TJP1: variants seen among roughly 807,000 people sequenced by gnomAD.
TJP1 encodes the protein tight junction protein 1, also known as tight junction protein ZO-1.
Under a neutral mutation model 194.2 loss-of-function variants are expected in TJP1, and 43 were observed. The ratio of observed to expected loss-of-function variants is 0.22; its 90% CI spans 0.17 to 0.29. TJP1 has a LOEUF of 0.29. Among genes scored for constraint, TJP1 ranks in the 10% least tolerant of loss-of-function variants. TJP1 has a pLI of 1.00. For synonymous variants in TJP1, 801 were observed against 779.0 expected, an observed-to-expected ratio of 1.03 and a Z score of -0.47; for missense variants, 1,971 against 2,185.7, an observed-to-expected ratio of 0.90 and a Z score of 1.96.
chr15:29,898,284 C>A (rs1275869659), intron 2 of TJP1, among the ~76,000 whole-genome samples: 2 of 152,160 alleles, frequency 1.3e-5, no homozygotes, highest in Non-Finnish European at 2.9e-5. Flanking sequence ...CTCTTGTCTG[C>A]CGCCATGTGA....
intron 2 of TJP1, among the ~76,000 whole-genome samples, chr15:29,888,096 G>C (rs1048516863): frequency 6.6e-6 from 1 of 152,048 alleles, no homozygotes. Context: ...ATGGTACTTA[G>C]AGTGTATAAT....
chr15:29,949,349 A>T (rs796637676), intron 2 of TJP1, among the ~76,000 whole-genome samples: 62 of 128,192 alleles, frequency 4.8e-4, no homozygotes, highest in South Asian at 2.9e-3. Flanking sequence ...CTCCACCACC[A>T]CCACCTCCAC....
intron 2 of TJP1, among the ~76,000 whole-genome samples, chr15:29,918,236 G>T (rs1186356474): frequency 6.6e-6 from 1 of 152,090 alleles, no homozygotes; most frequent in Non-Finnish European, 1.5e-5. Context: ...TCCATCAGTG[G>T]GCACCTGGGT....
At chr15:29,935,050 T>A (rs2054839047) in intron 2 of TJP1, among the ~76,000 whole-genome samples, 1 of 152,202 alleles carries the variant, frequency 6.6e-6, no homozygotes, top group Non-Finnish European at 1.5e-5. Context: ...CAAAATCAAG[T>A]CACAAAGAAA....
In TJP1 at chr15:29,720,672, C is replaced by G; in HGVS notation, c.2449G>C (p.Asp817His). 6.2e-7 allele frequency: 1 copy of G among 1,609,896 alleles called. No homozygotes were observed. The highest frequency in any genetic ancestry group is 1.1e-5 in the South Asian group (1 of 90,594). Residue 817 changes from aspartate (D) to histidine (H), a missense_variant, in exon 19 of 28, where the codon GAT becomes CAT. Coordinates refer to ENST00000614355, the MANE Select transcript of TJP1 (RefSeq NM_001330239.4). ...GATSDDLDLH[D>H]DRLSYLSAPG... ...GCTGACAGGTAGGACAGACGATCAT[C>G]ATGCAAATCAAGGTCATCACTTGTA...
At chr15:29,910,327 G>A (rs908354304) in intron 2 of TJP1, among the ~76,000 whole-genome samples, 7 of 152,194 alleles carry the variant, frequency 4.6e-5, no homozygotes, top group Non-Finnish European at 1.0e-4. Flanking sequence ...AGTGGAAAGA[G>A]TGATTTTATT....
rs778067563 is a variant in TJP1, at chr15:29,718,400, G to A, written c.3742C>T (p.Pro1248Ser). Residue 1248 changes from proline to serine, a missense_variant, in exon 21 of 28, where the codon CCA becomes TCA. Pro to Ser is a moderately conservative substitution (Grantham distance 74). Around this residue, in one of 5 missense-constraint regions of TJP1, gnomAD observed 1,108 missense variants for 1,128.5 expected, o/e 0.98. Transcript: ENST00000614355. ...PSNTKPLPPPPTQTEEEEDPA... is the reference protein window; with the variant it reads ...PSNTKPLPPPSTQTEEEEDPA... Reference sequence around the variant, plus strand: ...TCTTCCTCTTCTTCGGTTTGAGTTGGGGGTGGAGGCAGTGGTTTGGTGTTT... The same window carrying A: ...TCTTCCTCTTCTTCGGTTTGAGTTGAGGGTGGAGGCAGTGGTTTGGTGTTT... The A allele has an allele frequency of 1.2e-6, 2 of 1,614,154 alleles. No homozygotes were observed. Among genetic ancestry groups the A allele is most frequent in the Middle Eastern group, 1.6e-4 (1 of 6,062 alleles).
At chr15:29,863,155 G>A (rs938986300) in intron 2 of TJP1, among the ~76,000 whole-genome samples, 2 of 151,884 alleles carry the variant, frequency 1.3e-5, no homozygotes, top group Non-Finnish European at 2.9e-5. Flanking sequence ...AATTAGCTGG[G>A]TGTGGTGGCA....
At chr15:29,709,115 T>C in intron 24 of TJP1, 79 bp from the exon 25 acceptor site, 1 of 1,401,884 alleles carries the variant, frequency 7.1e-7, no homozygotes, top group Non-Finnish European at 9.8e-7. Flanking sequence ...CTTGTCCTGG[T>C]GCTGGAGTCG....
intron 1 of TJP1, among the ~76,000 whole-genome samples, chr15:29,959,690 A>ATTT (rs1167567476): frequency 6.6e-6 from 1 of 152,176 alleles, no homozygotes; most frequent in African/African-American, 2.4e-5. Context: ...TACTAGTTAC[A>ATTT]TTTCAAAGAG....
chr15:29,920,689 A>G (rs1596259457), intron 2 of TJP1, among the ~76,000 whole-genome samples: 1 of 152,256 alleles, frequency 6.6e-6, no homozygotes, highest in African/African-American at 2.4e-5. Context: ...CTGCATGCCC[A>G]CAGAGGAAGC....
chr15:29,923,662 G>A (rs2054436435), intron 2 of TJP1, among the ~76,000 whole-genome samples: 1 of 152,154 alleles, frequency 6.6e-6, no homozygotes, highest in Admixed American at 6.5e-5. Flanking sequence ...AGGTAGTAGG[G>A]GGTGACAGCT....
At chr15:29,783,416 G>A (rs2047498224) in intron 2 of TJP1, among the ~76,000 whole-genome samples, 1 of 152,178 alleles carries the variant, frequency 6.6e-6, no homozygotes, top group Non-Finnish European at 1.5e-5. Flanking sequence ...AGGCAGTATG[G>A]CAGTTCCTCA....
chr15:29,938,976 A>C (rs1276214932), intron 2 of TJP1, among the ~76,000 whole-genome samples: 1 of 152,228 alleles, frequency 6.6e-6, no homozygotes, highest in African/African-American at 2.4e-5. Context: ...CGAAATTGCC[A>C]TGTTAAATGC....
intron 2 of TJP1, among the ~76,000 whole-genome samples, chr15:29,849,857 G>A (rs780270585): frequency 6.6e-6 from 1 of 151,944 alleles, no homozygotes; most frequent in African/African-American, 2.4e-5. Context: ...TTGTAGACGC[G>A]AACCACCACG....
chr15:29,818,011 A>T lies in TJP1; in HGVS notation c.27+3991T>A, dbSNP rs565990671. 2.7e-4 allele frequency among the ~76,000 whole-genome samples: 39 copies of T among 142,910 alleles called. 1 individual carries two copies. Among genetic ancestry groups the T allele is most frequent in the African/African-American group, 7.6e-4 (29 of 38,024 alleles). 93.8% of individuals were successfully genotyped at this position (142,910 alleles called of 152,430 possible). A position where few individuals can be genotyped will look rare whatever the true frequency, so the allele number is the denominator to read the frequency against. ...TGCACATGGATCCCAGAACTTAATT[A>T]AAAAAAAAAAAGCCCACTGTGCTCC... On this transcript the variant is annotated intron_variant, in intron 1 of 27. Coordinates refer to ENST00000614355, the MANE Select transcript of TJP1 (RefSeq NM_001330239.4).
At chr15:29,834,272 A>G (rs1379995369) in intron 2 of TJP1, among the ~76,000 whole-genome samples, 4 of 149,086 alleles carry the variant, frequency 2.7e-5, no homozygotes, top group Non-Finnish European at 5.9e-5. Context: ...GCCAGGCTGG[A>G]GTGCAGTGGC....
At chr15:29,844,896 C>T (rs142276734) in intron 2 of TJP1, among the ~76,000 whole-genome samples, 1 of 152,018 alleles carries the variant, frequency 6.6e-6, no homozygotes, top group East Asian at 1.9e-4. Flanking sequence ...AGAAGAGATC[C>T]AAGACCAGGC....
chr15:29,871,909 T>C (rs910208862), intron 2 of TJP1, among the ~76,000 whole-genome samples: 12 of 152,226 alleles, frequency 7.9e-5, no homozygotes, highest in South Asian at 4.1e-4. Context: ...AAAAAGTTAC[T>C]AAACAATTAC....
Sources: gnomAD v4.1 joint callset for allele counts (sites outside exome capture counted in the v4.1 genomes callset) on GRCh38, gnomAD v4.1.1 for gene constraint, gnomAD v4.1.1 regional missense constraint, MANE v1.5 for transcripts, NCBI Gene and HGNC (gene_info 2026-07-23, HGNC 2026-07-21) for gene names.